The following USH2A variants were observed in gnomAD, a reference collection of about 807,000 sequenced individuals.
USH2A encodes the protein usherin, also known as Usher syndrome 2A (autosomal recessive, mild).
A neutral mutation model predicts 538.9 loss-of-function variants in USH2A; 443 were observed. That is an observed-to-expected ratio of 0.82 (90% CI 0.76 to 0.89). The LOEUF is 0.89. Among genes scored for constraint, USH2A ranks in the 40% least tolerant of loss-of-function variants. The pLI, the probability that USH2A is intolerant of heterozygous loss-of-function variation, is 0.00. For missense variants in USH2A, 6,633 were observed against 6,324.8 expected (o/e 1.05, Z -1.65); for synonymous variants, 2,413 against 2,273.5 (o/e 1.06, Z -1.75).
chr1:216,345,465 C>T (rs2038156797), intron 4 of USH2A, among the ~76,000 whole-genome samples: 1 of 152,076 alleles, frequency 6.6e-6, no homozygotes, highest in African/African-American at 2.4e-5. Flanking sequence ...GAAAGGGAAC[C>T]CAGAAGCCTG....
At chr1:215,782,351 T>C (rs1661667306) in intron 53 of USH2A, among the ~76,000 whole-genome samples, 155 bp from the exon 54 acceptor site, 1 of 151,880 alleles carries the variant, frequency 6.6e-6, no homozygotes, top group South Asian at 2.1e-4. Flanking sequence ...AGTTCCTAAT[T>C]ATACTATTAT....
At position 215,838,071 on chromosome 1, in the gene USH2A, T is replaced by G. The variant is rs143872133; in HGVS notation, c.9291A>C (p.Lys3097Asn). ...CAGTGGTAATTTGGGTTCCATTGCT[T>G]TTCACGCAGGCATATATTGTGCAGA... ...VEVCTIYACVKSNGTQITTVE... is the reference protein window; with the variant it reads ...VEVCTIYACVNSNGTQITTVE... Residue 3097 changes from lysine to asparagine, a missense_variant, in exon 47 of 72, where the codon AAA becomes AAC. Transcript: ENST00000307340. The G allele has an allele frequency of 4.3e-6, 7 of 1,613,948 alleles. No homozygotes were observed. In the African/African-American group the frequency reaches 9.3e-5, roughly 22 times the overall value.
chr1:215,661,686 G>A (rs1347735270), intron 64 of USH2A, among the ~76,000 whole-genome samples: 2 of 152,160 alleles, frequency 1.3e-5, no homozygotes, highest in East Asian at 3.9e-4. Flanking sequence ...TTTAGAAAGG[G>A]ATTTCTTTTT....
intron 3 of USH2A, among the ~76,000 whole-genome samples, chr1:216,378,794 A>T (rs1281969256): frequency 6.6e-6 from 1 of 152,106 alleles, no homozygotes; most frequent in African/African-American, 2.4e-5. Context: ...CTAATAGAAC[A>T]AAGCCCATTT....
At chr1:215,879,974 A>G (rs906678737) in intron 41 of USH2A, among the ~76,000 whole-genome samples, 4 of 152,198 alleles carry the variant, frequency 2.6e-5, no homozygotes, top group African/African-American at 9.6e-5. Flanking sequence ...CAGGATATAT[A>G]TCTCATGTCC....
intron 61 of USH2A, among the ~76,000 whole-genome samples, chr1:215,696,343 A>G (rs553869868): frequency 6.6e-6 from 1 of 152,220 alleles, no homozygotes; most frequent in South Asian, 2.1e-4. Context: ...AAGAAAAGCT[A>G]TGGGTAAGTG....
chr1:215,636,896 C>T (rs923271645), intron 69 of USH2A, among the ~76,000 whole-genome samples: 5 of 152,100 alleles, frequency 3.3e-5, no homozygotes, highest in African/African-American at 7.2e-5. Flanking sequence ...ACCCAAAGCC[C>T]GGCCTCCAGA....
At chr1:216,354,491 G>A (rs1439625031) in intron 4 of USH2A, among the ~76,000 whole-genome samples, 1 of 152,136 alleles carries the variant, frequency 6.6e-6, no homozygotes, top group Admixed American at 6.6e-5. Context: ...AGGGGTGATA[G>A]TGAATAATAC....
chr1:216,396,402 A>G (rs1177523572), intron 3 of USH2A, among the ~76,000 whole-genome samples: 4 of 152,138 alleles, frequency 2.6e-5, no homozygotes, highest in Non-Finnish European at 5.9e-5. Flanking sequence ...GCCGTGAGTC[A>G]CCTAGAGTTT....
chr1:215,758,519 C>T (rs1230422073), intron 58 of USH2A, 76 bp downstream of exon 58: 9 of 1,517,332 alleles, frequency 5.9e-6, no homozygotes, highest in Non-Finnish European at 8.1e-6. Context: ...ACTAAATTAA[C>T]AGTTCTATTC....
chr1:216,382,946 A>T (rs1374304258), intron 3 of USH2A, among the ~76,000 whole-genome samples: 1 of 152,202 alleles, frequency 6.6e-6, no homozygotes, highest in Non-Finnish European at 1.5e-5. Context: ...GACATGATAG[A>T]AACCAAAATT....
At chr1:215,959,115 A>AT (rs886480073) in intron 37 of USH2A, among the ~76,000 whole-genome samples, 6 of 151,954 alleles carry the variant, frequency 3.9e-5, no homozygotes, top group Non-Finnish European at 7.4e-5. Context: ...CTTGTGAGCT[A>AT]TTTTTTATAA....
intron 52 of USH2A, among the ~76,000 whole-genome samples, chr1:215,785,636 A>C (rs1163360545): frequency 6.6e-6 from 1 of 152,202 alleles, no homozygotes; most frequent in Non-Finnish European, 1.5e-5. Context: ...GTGCACATGT[A>C]CCCTAGAACT....
intron 13 of USH2A, among the ~76,000 whole-genome samples, chr1:216,238,494 C>G (rs929930572): frequency 6.6e-6 from 1 of 152,042 alleles, no homozygotes; most frequent in Admixed American, 6.6e-5. Flanking sequence ...TACACACACT[C>G]CAAATAATTT....
At position 215,845,862 on chromosome 1, in the gene USH2A, A is replaced by T. The variant is rs148992626; in HGVS notation, c.9017T>A (p.Ile3006Asn). Reference protein sequence around the residue: ...FISVFNGVHSINSAGLHATTC... With the variant: ...FISVFNGVHSNNSAGLHATTC... ...GGTTGCATGAAGTCCTGCACTGTTGATGCTGTGGACTCCATTGAAGACAGA... is the reference window on the plus strand; with the variant it reads ...GGTTGCATGAAGTCCTGCACTGTTGTTGCTGTGGACTCCATTGAAGACAGA... The change falls in exon 45 of 72, where the codon ATC becomes AAC. Residue 3006 changes from isoleucine (I) to asparagine (N), a missense_variant. Ile to Asn is a moderately radical substitution (Grantham distance 149). Transcript: ENST00000307340. 6.2e-7 allele frequency: 1 copy of T among 1,613,752 alleles called. No individual in the cohort carries two copies. The highest frequency in any genetic ancestry group is 1.3e-5 in the African/African-American group (1 of 74,902).
chr1:216,404,283 C>T (rs936311606), intron 3 of USH2A, among the ~76,000 whole-genome samples: 2 of 152,104 alleles, frequency 1.3e-5, no homozygotes, highest in Admixed American at 6.5e-5. Flanking sequence ...ATTTTGAAAA[C>T]ATCAACAAGC....
chr1:215,883,546 T>G (rs1215541842), intron 41 of USH2A, among the ~76,000 whole-genome samples: 1 of 152,132 alleles, frequency 6.6e-6, no homozygotes, highest in Non-Finnish European at 1.5e-5. Flanking sequence ...CATTAACATT[T>G]TTAATTTATG....
intron 11 of USH2A, among the ~76,000 whole-genome samples, chr1:216,289,034 C>T (rs981338650): frequency 1.3e-5 from 2 of 152,092 alleles, no homozygotes; most frequent in South Asian, 2.1e-4. Context: ...CCCTACCCTT[C>T]GATTTTTTGA....
At chr1:215,768,300 C>T (rs192638933) in intron 55 of USH2A, among the ~76,000 whole-genome samples, 2 of 152,284 alleles carry the variant, frequency 1.3e-5, no homozygotes, top group East Asian at 3.9e-4. Flanking sequence ...CTTTGTTTTG[C>T]CTATCTGTAT....
Sources: allele counts gnomAD v4.1 joint callset (sites outside exome capture counted in the v4.1 genomes callset), GRCh38; gene constraint gnomAD v4.1.1; transcripts MANE v1.5; gene names NCBI Gene and HGNC (gene_info 2026-07-23, HGNC 2026-07-21).